Variants in CHSY3 observed in about 807,000 individuals in gnomAD.
CHSY3 encodes the protein N-acetylgalactosaminyl-proteoglycan 3-beta-glucuronosyltransferase 3.
In CHSY3, 35 loss-of-function variants were observed where a neutral mutation model predicts 67.2. The ratio of observed to expected loss-of-function variants is 0.52; its 90% CI spans 0.40 to 0.69. The LOEUF (loss-of-function observed/expected upper bound fraction) is 0.69, where lower values mean the gene tolerates loss of function less well. Among genes scored for constraint, CHSY3 ranks in the 30% least tolerant of loss-of-function variants. The probability of loss-of-function intolerance (pLI) is 0.00; values close to 1 mark genes in which losing one functional copy is unlikely to be tolerated. For synonymous variants in CHSY3, 474 were observed against 434.7 expected (o/e 1.09, Z -1.12); for missense variants, 1,069 against 1,138.5 (o/e 0.94, Z 0.88).
intron 2 of CHSY3, among the ~76,000 whole-genome samples, chr5:130,168,646 G>C (rs920246455): frequency 2.6e-5 from 4 of 151,958 alleles, no homozygotes; most frequent in African/African-American, 7.2e-5. Context: ...TAAATATTTT[G>C]CTCTCTGTTT....
At chr5:130,027,419 G>A (rs1242814185) in intron 2 of CHSY3, among the ~76,000 whole-genome samples, 1 of 151,942 alleles carries the variant, frequency 6.6e-6, no homozygotes, top group Non-Finnish European at 1.5e-5. Flanking sequence ...ATTAAACAAG[G>A]CATGCACAAT....
intron 2 of CHSY3, among the ~76,000 whole-genome samples, chr5:130,015,410 A>G (rs1271602180): frequency 6.6e-6 from 1 of 152,158 alleles, no homozygotes; most frequent in Admixed American, 6.5e-5. Context: ...AAAACCTCAT[A>G]AAAAATGGGC....
chr5:130,010,072 G>T (rs1049272084), intron 2 of CHSY3, among the ~76,000 whole-genome samples: 1 of 152,136 alleles, frequency 6.6e-6, no homozygotes, highest in Non-Finnish European at 1.5e-5. Flanking sequence ...GTATTAGACA[G>T]AATATCAAGG....
intron 2 of CHSY3, among the ~76,000 whole-genome samples, chr5:129,909,928 T>C (rs921854863): frequency 8.6e-5 from 13 of 152,014 alleles, no homozygotes; most frequent in African/African-American, 3.1e-4. Context: ...CTTAACATAA[T>C]ATATAAAATT....
rs539862942 is a variant in CHSY3, at chr5:129,918,750, G to C, written c.1086+10390G>C. ...TGTAGTTAGAATCCAATTGTGAAAG[G>C]CTTTTTATGTAATATTCAAAGGTTT... On this transcript the variant is annotated intron_variant, in intron 2 of 2. Coordinates refer to ENST00000305031, the MANE Select transcript of CHSY3 (RefSeq NM_175856.5). Among the ~76,000 whole-genome samples the C allele has an allele frequency of 3.3e-5, 5 of 151,872 alleles. No individual in the cohort carries two copies. In the East Asian group the frequency reaches 7.7e-4, roughly 24 times the overall value.
chr5:130,107,462 C>T (rs1171603769), intron 2 of CHSY3, among the ~76,000 whole-genome samples: 3 of 149,364 alleles, frequency 2.0e-5, no homozygotes, highest in South Asian at 2.1e-4. Flanking sequence ...TGTGTGTGTT[C>T]GTCTATATAT....
At chr5:129,996,857 G>A (rs972813308) in intron 2 of CHSY3, among the ~76,000 whole-genome samples, 2 of 151,940 alleles carry the variant, frequency 1.3e-5, no homozygotes, top group Non-Finnish European at 2.9e-5. Flanking sequence ...CTTGCTAATT[G>A]TGTATCTTTC....
At chr5:129,929,297 A>T (rs1581375937) in intron 2 of CHSY3, among the ~76,000 whole-genome samples, 1 of 152,252 alleles carries the variant, frequency 6.6e-6, no homozygotes, top group East Asian at 1.9e-4. Context: ...TCTAGTCCTT[A>T]GCATGTTTAC....
chr5:129,993,336 G>A (rs1580624941), intron 2 of CHSY3, among the ~76,000 whole-genome samples: 5 of 152,210 alleles, frequency 3.3e-5, no homozygotes, highest in Admixed American at 3.3e-4. Flanking sequence ...ATTATTGTGT[G>A]GGAGTCTAAG....
At chr5:129,966,955 C>T (rs923412631) in intron 2 of CHSY3, among the ~76,000 whole-genome samples, 12 of 151,834 alleles carry the variant, frequency 7.9e-5, no homozygotes, top group Middle Eastern at 3.4e-3. Context: ...AGGGTCTCAA[C>T]GTGTCTAGTG....
intron 2 of CHSY3, among the ~76,000 whole-genome samples, chr5:130,135,099 C>G (rs1037737505): frequency 2.0e-5 from 3 of 151,834 alleles, no homozygotes; most frequent in Non-Finnish European, 4.4e-5. Context: ...ATATACGTGT[C>G]TATATTTTTA....
At chr5:129,981,299 ATATT>A in intron 2 of CHSY3, among the ~76,000 whole-genome samples, 1 of 151,730 alleles carries the variant, frequency 6.6e-6, no homozygotes, top group East Asian at 1.9e-4. Flanking sequence ...TTGATCTGTA[ATATT>A]TGTCTGTTCT....
chr5:130,117,600 AT>A (rs574207508), intron 2 of CHSY3, among the ~76,000 whole-genome samples: 1 of 151,984 alleles, frequency 6.6e-6, no homozygotes, highest in Non-Finnish European at 1.5e-5. Flanking sequence ...TAATAAACAA[AT>A]TTTTTTTATT....
At position 129,905,057 on chromosome 5, in the gene CHSY3, G is replaced by GC. The variant is rs1760198694; in HGVS notation, c.234dup (p.Ala79ArgfsTer41). 3 of 1,546,372 alleles carry GC rather than the reference G, an allele frequency of 1.9e-6. No individual in the cohort carries two copies. Among genetic ancestry groups the GC allele is most frequent in the Non-Finnish European group, 1.7e-6 (2 of 1,152,522 alleles). Reference sequence around the variant, plus strand: ...CCCGACCACGGCAGGAGCAGTCGCCGCCCCCCGCGCGCCAGGATCTCCAGG... The same window carrying GC: ...CCCGACCACGGCAGGAGCAGTCGCCGCCCCCCCGCGCGCCAGGATCTCCAGG... On this transcript the variant is annotated frameshift_variant, in exon 1 of 3. Coordinates refer to ENST00000305031, the MANE Select transcript of CHSY3 (RefSeq NM_175856.5). LOFTEE classifies it high-confidence loss of function.
At chr5:129,950,863 A>G (rs1341985136) in intron 2 of CHSY3, among the ~76,000 whole-genome samples, 1 of 152,208 alleles carries the variant, frequency 6.6e-6, no homozygotes, top group Non-Finnish European at 1.5e-5. Context: ...ATCCTTATCA[A>G]AATTCCAATA....
At chr5:130,071,537 TTGTGTGTGTGTGTG>T (rs3065054) in intron 2 of CHSY3, among the ~76,000 whole-genome samples, 3 of 141,896 alleles carry the variant, frequency 2.1e-5, no homozygotes, top group African/African-American at 5.1e-5. Flanking sequence ...TAGTAGTTCA[TTGTGTGTGTGTGTG>T]TGTGTGTGTG....
intron 2 of CHSY3, among the ~76,000 whole-genome samples, chr5:130,178,204 TA>T (rs1770116530): frequency 1.4e-5 from 1 of 70,584 alleles, no homozygotes; most frequent in South Asian, 4.5e-4. Context: ...TATATATTTA[TA>T]TATATATGTA....
chr5:129,921,976 A>T (rs1760939750), intron 2 of CHSY3, among the ~76,000 whole-genome samples: 1 of 152,076 alleles, frequency 6.6e-6, no homozygotes, highest in Admixed American at 6.6e-5. Context: ...CCCATTAACC[A>T]TTCCCACTTT....
chr5:130,182,389 G>A (rs749326460), intron 2 of CHSY3, among the ~76,000 whole-genome samples: 5 of 151,566 alleles, frequency 3.3e-5, no homozygotes, highest in Non-Finnish European at 7.4e-5. Flanking sequence ...TATGTTCTGG[G>A]AATTGGTTCT....
Sources: allele counts gnomAD v4.1 joint callset (sites outside exome capture counted in the v4.1 genomes callset), GRCh38; gene constraint gnomAD v4.1.1; transcripts MANE v1.5; gene names NCBI Gene and HGNC (gene_info 2026-07-23, HGNC 2026-07-21).